Variants in NTNG1 observed in about 807,000 individuals in gnomAD.
NTNG1 encodes the protein netrin-G1.
Under a neutral mutation model 54.0 loss-of-function variants are expected in NTNG1, and 16 were observed. That is an observed-to-expected ratio of 0.30 (90% CI 0.20 to 0.45). The LOEUF (loss-of-function observed/expected upper bound fraction) is 0.45. Ranked by LOEUF, NTNG1 falls within the 20% of genes least tolerant of loss-of-function variation. NTNG1 has a pLI of 1.00. For missense variants in NTNG1, 530 were observed against 678.7 expected, an observed-to-expected ratio of 0.78 and a Z score of 2.43; for synonymous variants, 255 against 263.1, an observed-to-expected ratio of 0.97 and a Z score of 0.30.
intron 2 of NTNG1, among the ~76,000 whole-genome samples, chr1:107,305,829 G>A (rs2101819515): frequency 6.6e-6 from 1 of 152,248 alleles, no homozygotes; most frequent in Non-Finnish European, 1.5e-5. Flanking sequence ...CCTATATCCA[G>A]AACTTTTTAT....
chr1:107,257,726 A>AT (rs1268088428), intron 2 of NTNG1, among the ~76,000 whole-genome samples: 1 of 152,194 alleles, frequency 6.6e-6, no homozygotes, highest in East Asian at 1.9e-4. Flanking sequence ...ACCCTTCCAC[A>AT]TGTTAGCCAG....
intron 2 of NTNG1, among the ~76,000 whole-genome samples, chr1:107,207,709 T>C (rs1659299328): frequency 6.6e-6 from 1 of 152,200 alleles, no homozygotes; most frequent in Non-Finnish European, 1.5e-5. Context: ...TCAACAGTTA[T>C]GATGATTCAC....
chr1:107,291,458 A>G (rs1371855110), intron 2 of NTNG1, among the ~76,000 whole-genome samples: 2 of 152,154 alleles, frequency 1.3e-5, no homozygotes, highest in Non-Finnish European at 1.5e-5. Flanking sequence ...TGTGTCGTTC[A>G]AGGATCAACT....
At chr1:107,259,334 AAAAAGCTCGG>A (rs1227576828) in intron 2 of NTNG1, among the ~76,000 whole-genome samples, 2 of 152,168 alleles carry the variant, frequency 1.3e-5, no homozygotes, top group Non-Finnish European at 2.9e-5. Context: ...TGTTCATTGG[AAAAAGCTCGG>A]TGCTATAAAT....
intron 7 of NTNG1, among the ~76,000 whole-genome samples, chr1:107,463,759 A>G (rs1004159922): frequency 1.2e-4 from 19 of 152,130 alleles, no homozygotes; most frequent in Admixed American, 1.2e-3. Flanking sequence ...AGCCCTGATT[A>G]TGTCCTTAGG....
chr1:107,173,870 A>G (rs948689959), intron 2 of NTNG1, among the ~76,000 whole-genome samples: 48 of 151,944 alleles, frequency 3.2e-4, no homozygotes, highest in Non-Finnish European at 1.8e-4. Context: ...TTCCTTTTCC[A>G]TATGGAATCC....
intron 7 of NTNG1, among the ~76,000 whole-genome samples, chr1:107,474,978 T>C (rs1025920361): frequency 6.6e-6 from 1 of 152,160 alleles, no homozygotes; most frequent in Non-Finnish European, 1.5e-5. Context: ...TGCAGACATA[T>C]TTGCCATTTT....
In NTNG1 at chr1:107,168,400, A is replaced by C. The variant is rs79940335; in HGVS notation, c.246+19561A>C. On this transcript the variant is annotated intron_variant, in intron 2 of 7. Coordinates refer to ENST00000370068, the MANE Select transcript of NTNG1 (RefSeq NM_001113226.3). ...ATCTAGAAGAGTATTTTTCTGATAT[A>C]TAAATCTTATTTGTTTTTAATATTC... 0.014 allele frequency among the ~76,000 whole-genome samples: 2,086 copies of C among 152,206 alleles called. 118 individuals are homozygous for C. The East Asian group carries it at 0.2, about 15-fold the overall frequency.
chr1:107,141,709 C>G (rs1025048569), intron 1 of NTNG1, among the ~76,000 whole-genome samples: 1 of 152,060 alleles, frequency 6.6e-6, no homozygotes, highest in Non-Finnish European at 1.5e-5. Flanking sequence ...CGCCCCGGGC[C>G]GGTGATGCGT....
At chr1:107,236,314 T>C (rs7532951) in intron 2 of NTNG1, among the ~76,000 whole-genome samples, 4,352 of 152,234 alleles carry the variant, frequency 0.029, 175 homozygotes, top group African/African-American at 0.091. Flanking sequence ...AAAGTTATCC[T>C]TCAAAAGTGA....
intron 5 of NTNG1, among the ~76,000 whole-genome samples, chr1:107,425,313 TA>T (rs1674829824): frequency 6.6e-6 from 1 of 152,004 alleles, no homozygotes; most frequent in African/African-American, 2.4e-5. Flanking sequence ...TAATTACCAG[TA>T]GGTAATTTTT....
At chr1:107,290,951 C>CATATATATATATTATATATAT (rs1557873382) in intron 2 of NTNG1, among the ~76,000 whole-genome samples, 2 of 135,100 alleles carry the variant, frequency 1.5e-5, no homozygotes, top group African/African-American at 6.1e-5. Context: ...TTTTAAAGTG[C>CATATATATATATTATATATAT]ATATATATAT....
chr1:107,276,203 A>G (rs4550083), intron 2 of NTNG1, among the ~76,000 whole-genome samples: 150,297 of 152,330 alleles, frequency 0.99, 74,182 homozygotes, highest in East Asian at 1. Context: ...ACTCTATTAA[A>G]TACTTGTTGA....
chr1:107,380,168 A>G (rs1291309257), intron 3 of NTNG1, among the ~76,000 whole-genome samples: 1 of 152,234 alleles, frequency 6.6e-6, no homozygotes, highest in Non-Finnish European at 1.5e-5. Context: ...TATTTTTTCA[A>G]GCACAAAACC....
At chr1:107,214,639 G>A (rs1270749726) in intron 2 of NTNG1, among the ~76,000 whole-genome samples, 1 of 151,982 alleles carries the variant, frequency 6.6e-6, no homozygotes, top group Non-Finnish European at 1.5e-5. Flanking sequence ...GGATACCCAG[G>A]ATATCTACCT....
chr1:107,213,163 C>T (rs1252192174), intron 2 of NTNG1, among the ~76,000 whole-genome samples: 2 of 151,872 alleles, frequency 1.3e-5, no homozygotes, highest in African/African-American at 4.8e-5. Flanking sequence ...CTCTTGTAAA[C>T]TCATTGACTG....
intron 2 of NTNG1, among the ~76,000 whole-genome samples, chr1:107,166,891 TG>T (rs1655836836): frequency 6.6e-6 from 1 of 152,148 alleles, no homozygotes; most frequent in African/African-American, 2.4e-5. Context: ...TCAAAGTCAC[TG>T]GTGCTGTCAT....
chr1:107,167,308 G>C (rs2101076339), intron 2 of NTNG1, among the ~76,000 whole-genome samples: 1 of 151,752 alleles, frequency 6.6e-6, no homozygotes, highest in East Asian at 1.9e-4. Context: ...GAATCTATCT[G>C]TAATGACAGA....
intron 5 of NTNG1, among the ~76,000 whole-genome samples, chr1:107,417,592 C>G (rs1674304994): frequency 6.6e-6 from 1 of 152,018 alleles, no homozygotes; most frequent in Non-Finnish European, 1.5e-5. Context: ...AAAACTCATG[C>G]CTGTCCACAT....
Sources: gnomAD v4.1 joint callset for allele counts (sites outside exome capture counted in the v4.1 genomes callset) on GRCh38, gnomAD v4.1.1 for gene constraint, MANE v1.5 for transcripts, NCBI Gene and HGNC (gene_info 2026-07-23, HGNC 2026-07-21) for gene names.